Variants in PLEC observed in about 807,000 individuals in gnomAD.
PLEC encodes hemidesmosomal protein 1.
In PLEC, 216 loss-of-function variants were observed where a neutral mutation model predicts 392.8. The observed-to-expected ratio is 0.55, with a 90% CI of 0.49 to 0.62. The LOEUF is 0.62. Among genes scored for constraint, PLEC ranks in the 20% least tolerant of loss-of-function variants. PLEC has a pLI of 0.00. For missense variants in PLEC, 6,863 were observed against 6,563.4 expected, an observed-to-expected ratio of 1.05 and a Z score of -1.58; for synonymous variants, 3,621 against 2,980.6, an observed-to-expected ratio of 1.21 and a Z score of -7.00.
chr8:143,938,551 C>A lies in PLEC; in HGVS notation c.174+80G>T, dbSNP rs532596509. 273 of 1,561,304 alleles carry A rather than the reference C, an allele frequency of 1.7e-4. 1 individual carries two copies. In the South Asian group the frequency reaches 3.0e-3, roughly 17 times the overall value. On this transcript the variant is annotated intron_variant, in intron 2 of 31. Coordinates refer to ENST00000345136, the MANE Select transcript of PLEC (RefSeq NM_201384.3). ...AGCACACAGGCAGCATGGGGACAGCCTTGGGCGGCAGGGGCCACCCTCCCT... is the reference window on the plus strand; with the variant it reads ...AGCACACAGGCAGCATGGGGACAGCATTGGGCGGCAGGGGCCACCCTCCCT...
Position 143,917,065 on chromosome 8 carries a change from G to A in PLEC, c.12756C>T (p.Ser4252=). The part of the protein sequence containing the change: ...GFRSRSSSVG[S]SSSYPISPAV... ...CGGGGCTGATGGGGTAGGAGGAGGA[G>A]GATCCCACCGAGGAGGAACGGGAGC... Residue 4252 remains serine, a synonymous_variant, in exon 32 of 32, where the codon TCC becomes TCT. Transcript: ENST00000345136. 2.5e-6 allele frequency: 4 copies of A among 1,607,520 alleles called. No homozygotes were observed. Among genetic ancestry groups the A allele is most frequent in the Non-Finnish European group, 3.4e-6 (4 of 1,175,392 alleles).
chr8:143,943,803 G>A (rs371700017), upstream of PLEC: 28 of 1,612,156 alleles, frequency 1.7e-5, no homozygotes, highest in South Asian at 5.5e-5. Context: ...GCCCACCGAC[G>A]TCCCCTGCGC....
At chr8:143,947,675 G>C (rs193234541) in intron 1 of PLEC, among the ~76,000 whole-genome samples, 1 of 152,128 alleles carries the variant, frequency 6.6e-6, no homozygotes, top group Non-Finnish European at 1.5e-5. Context: ...GCTTCAACCC[G>C]GGAGGCGGAG....
exon 1 of PLEC, chr8:143,950,345 CCCTGCACAG>C: frequency 6.3e-7 from 1 of 1,582,046 alleles, no homozygotes; most frequent in Non-Finnish European, 8.6e-7. Flanking sequence ...GCCCAGGGGA[CCCTGCACAG>C]CCTGCACGTG....
Position 143,916,366 on chromosome 8 carries a change from A to G in PLEC, c.13455T>C (p.Ser4485=), listed in dbSNP as rs1554668887. 1 of 1,607,916 alleles carries G rather than the reference A, an allele frequency of 6.2e-7. No homozygotes were observed. The highest frequency in any genetic ancestry group is 8.5e-7 in the Non-Finnish European group (1 of 1,177,538). ...YSPYSVSGSG[S]TAGSRTGSRT... Reference sequence around the variant, plus strand: ...GCGAGCCGGTGCGGGAGCCAGCGGTAGAGCCGGAGCCGCTGACGCTGTAGG... The same window carrying G: ...GCGAGCCGGTGCGGGAGCCAGCGGTGGAGCCGGAGCCGCTGACGCTGTAGG... Residue 4485 remains serine (S), a synonymous_variant, in exon 32 of 32, where the codon TCT becomes TCC. Transcript: ENST00000345136.
At chr8:143,933,867 A>G in intron 12 of PLEC, 131 bp downstream of exon 12, 2 of 744,162 alleles carry the variant, frequency 2.7e-6, no homozygotes, top group Non-Finnish European at 4.6e-6. Context: ...TCCCCACCAC[A>G]TGCCCCGCCC....
At position 143,916,632 on chromosome 8, in the gene PLEC, AGCC is replaced by A; in HGVS notation, c.13186_13188del (p.Gly4396del). ...CGGCCCGGCGTGTCGGGCTCGATCA[AGCC>A]GCCGGTCAGGTACTGCACCTCCAGG... is the stretch of plus-strand genomic sequence containing the variant. On this transcript the variant is annotated inframe_deletion, in exon 32 of 32. Transcript: ENST00000345136. 1 of 1,610,272 alleles carries A rather than the reference AGCC, an allele frequency of 6.2e-7. No homozygotes were observed. The highest frequency in any genetic ancestry group is 8.5e-7 in the Non-Finnish European group (1 of 1,178,964).
chr8:143,916,804 G>A lies in PLEC; in HGVS notation c.13017C>T (p.Gly4339=). 1.9e-6 allele frequency: 3 copies of A among 1,613,224 alleles called. No homozygotes were observed. The highest frequency in any genetic ancestry group is 2.2e-5 in the South Asian group (2 of 91,084). The change falls in exon 32 of 32, where the codon GGC becomes GGT. Residue 4339 remains glycine (G), a synonymous_variant. Transcript: ENST00000345136. The stretch of plus-strand genomic sequence containing the variant: ...GGTCCACCATGATCTTGTCCACCAG[G>A]CCCTTGTTGACGGCGTCGGTGACAG... ...RFPVTDAVNK[G]LVDKIMVDRI...
rs369504837 is a variant in PLEC, at chr8:143,920,402, G to A, written c.9419C>T (p.Thr3140Met). 7 of 1,592,904 alleles carry A rather than the reference G, an allele frequency of 4.4e-6. No homozygotes were observed. The highest frequency in any genetic ancestry group is 2.2e-5 in the East Asian group (1 of 44,622). Reference protein sequence around the residue: ...GLRLLDAQLSTGGIVDPSKSH... With the variant: ...GLRLLDAQLSMGGIVDPSKSH... ...CTTGCTGGGGTCCACGATGCCGCCC[G>A]TGGACAGCTGGGCGTCCAACAGGCG... The change falls in exon 32 of 32, where the codon ACG becomes ATG. Residue 3140 changes from threonine to methionine, a missense_variant. Thr to Met is a moderately conservative substitution (Grantham distance 81). Coordinates refer to ENST00000345136, the MANE Select transcript of PLEC (RefSeq NM_201384.3).
In PLEC at chr8:143,917,122, G is replaced by A. The variant is rs782292154; in HGVS notation, c.12699C>T (p.Ala4233=). The A allele has an allele frequency of 1.7e-5, 27 of 1,604,236 alleles. No individual in the cohort carries two copies. Among genetic ancestry groups the A allele is most frequent in the African/African-American group, 6.7e-5 (5 of 74,770 alleles). The stretch of plus-strand genomic sequence containing the variant: ...CACCGGCGTTGCCCGAGAGCATGTC[G>A]GCGAACTCGGTGATGGAGAGCGTGC... ...RAGTLSITEF[A]DMLSGNAGGF... is the part of the protein sequence containing the mutation. The change falls in exon 32 of 32, where the codon GCC becomes GCT. Residue 4233 remains alanine, a synonymous_variant. Coordinates refer to ENST00000345136, the MANE Select transcript of PLEC (RefSeq NM_201384.3).
rs782628125 is a variant in PLEC at position 143,917,121 on chromosome 8, C to T, written c.12700G>A (p.Asp4234Asn). ...CCACCGGCGTTGCCCGAGAGCATGTCGGCGAACTCGGTGATGGAGAGCGTG... is the reference window on the plus strand; with the variant it reads ...CCACCGGCGTTGCCCGAGAGCATGTTGGCGAACTCGGTGATGGAGAGCGTG... ...AGTLSITEFA[D>N]MLSGNAGGFR... Residue 4234 changes from aspartate to asparagine, a missense_variant, in exon 32 of 32, where the codon GAC becomes AAC. Coordinates refer to ENST00000345136, the MANE Select transcript of PLEC (RefSeq NM_201384.3). The T allele has an allele frequency of 1.4e-5, 23 of 1,604,190 alleles. No individual in the cohort carries two copies. Among genetic ancestry groups the T allele is most frequent in the African/African-American group, 8.0e-5 (6 of 74,756 alleles).
rs1320842752 is a variant in PLEC, at chr8:143,924,666, C to T, written c.5263G>A (p.Ala1755Thr). 6.5e-7 allele frequency: 1 copy of T among 1,535,410 alleles called. No homozygotes were observed. The highest frequency in any genetic ancestry group is 8.7e-7 in the Non-Finnish European group (1 of 1,146,762). ...AATQKRQELEAELAKVRAEME... is the reference protein window; with the variant it reads ...AATQKRQELETELAKVRAEME... ...TCGGCCCGCACCTTGGCCAGCTCGG[C>T]TTCCAGCTCCTGCCGTTTCTGCGTG... Residue 1755 changes from alanine to threonine, a missense_variant, in exon 31 of 32, where the codon GCC becomes ACC. Ala to Thr is a moderately conservative substitution (Grantham distance 58). Transcript: ENST00000345136.
chr8:143,945,668 G>A (rs1554731811), intron 1 of PLEC, among the ~76,000 whole-genome samples: 4 of 152,174 alleles, frequency 2.6e-5, no homozygotes, highest in South Asian at 2.1e-4. Context: ...CTGCTGTCCC[G>A]CACGCTGCCA....
chr8:143,947,332 G>A lies in PLEC; in HGVS notation c.523+2852C>T, dbSNP rs558621547. Among the ~76,000 whole-genome samples the A allele has an allele frequency of 5.9e-5, 9 of 152,340 alleles. No individual in the cohort carries two copies. The South Asian group carries it at 6.2e-4, about 11-fold the overall frequency. On this transcript the variant is annotated intron_variant, in intron 1 of 31. Transcript: ENST00000322810. ...GCTCTAGGTGCTGTGCGTGTACAGC[G>A]CTCACCGTGGTGGCGGCTACCTGGC...
rs201550913 is a variant in PLEC, at chr8:143,932,599, T to C, written c.1815+36A>G. The C allele has an allele frequency of 7.9e-5, 127 of 1,612,026 alleles. No individual in the cohort carries two copies. The Middle Eastern group carries it at 1.5e-3, about 19-fold the overall frequency. On this transcript the variant is annotated intron_variant, in intron 15 of 31. Transcript: ENST00000345136. ...GGGTGCGTGTCAGCAGGCCGCGGGC[T>C]ACCCACCTCCCCCGGCTGGCCCTGC... is the stretch of plus-strand genomic sequence containing the variant.
In PLEC at chr8:143,918,533, G is replaced by C. The variant is rs377598440; in HGVS notation, c.11288C>G (p.Ser3763Trp). Reference sequence around the variant, plus strand: ...GTAGCCGGTGACCGCCCGCTCAGCCGAGAGCAGGCGGTCGTGCAGCTCGGG... The same window carrying C: ...GTAGCCGGTGACCGCCCGCTCAGCCCAGAGCAGGCGGTCGTGCAGCTCGGG... Reference protein sequence around the residue: ...VGPELHDRLLSAERAVTGYRD... With the variant: ...VGPELHDRLLWAERAVTGYRD... The change falls in exon 32 of 32, where the codon TCG becomes TGG. Residue 3763 changes from serine (S) to tryptophan (W), a missense_variant. Transcript: ENST00000345136. 1.4e-5 allele frequency: 22 copies of C among 1,609,348 alleles called. No individual in the cohort carries two copies. Among genetic ancestry groups the C allele is most frequent in the Non-Finnish European group, 1.9e-5 (22 of 1,178,926 alleles).
Position 143,921,090 on chromosome 8 carries a change from A to G in PLEC, c.8731T>C (p.Ser2911Pro). 1 of 1,612,096 alleles carries G rather than the reference A, an allele frequency of 6.2e-7. No homozygotes were observed. Residue 2911 changes from serine (S) to proline (P), a missense_variant, in exon 32 of 32, where the codon TCT (serine) becomes CCT (proline). Physicochemically the swap from Ser to Pro is moderately conservative, Grantham distance 74 (BLOSUM62 -1). Coordinates refer to ENST00000345136, the MANE Select transcript of PLEC (RefSeq NM_201384.3). The stretch of plus-strand genomic sequence containing the variant: ...CCCTGGAACTTGCCGAACGGCGCAG[A>G]CACGGTGGCCTTCTCAAAGACGTCC... Reference protein sequence around the residue: ...ARDVFEKATVSAPFGKFQGKT... With the variant: ...ARDVFEKATVPAPFGKFQGKT...
Position 143,927,654 on chromosome 8 carries a change from TC to T in PLEC, c.3511del (p.Asp1171ThrfsTer117). The T allele has an allele frequency of 6.3e-7, 1 of 1,583,634 alleles. No individual in the cohort carries two copies. Among genetic ancestry groups the T allele is most frequent in the Non-Finnish European group, 8.6e-7 (1 of 1,166,726 alleles). ...ERLQQRHGER[D>X]VEVERWRERV... ...CTCCCGCCAGCGCTCCACCTCCACGTCCCGCTCCCCGTGCCGCTGCTGCAGT... is the reference window on the plus strand; with the variant it reads ...CTCCCGCCAGCGCTCCACCTCCACGTCCGCTCCCCGTGCCGCTGCTGCAGT... On this transcript the variant is annotated frameshift_variant, in exon 27 of 32. Coordinates refer to ENST00000345136, the MANE Select transcript of PLEC (RefSeq NM_201384.3). LOFTEE classifies it high-confidence loss of function.
Position 143,923,992 on chromosome 8 carries a change from C to T in PLEC, c.5937G>A (p.Glu1979=), listed in dbSNP as rs782051602. The T allele has an allele frequency of 6.3e-7, 1 of 1,585,722 alleles. No homozygotes were observed. Among genetic ancestry groups the T allele is most frequent in the Admixed American group, 1.7e-5 (1 of 59,150 alleles). ...CCTCAGCCTCACGGCGCCGCCGCTCCTCCTCCGCCGCCAGCTGCCGCTGCC... is the reference window on the plus strand; with the variant it reads ...CCTCAGCCTCACGGCGCCGCCGCTCTTCCTCCGCCGCCAGCTGCCGCTGCC... The part of the protein sequence containing the change: ...AARQRQLAAE[E]ERRRREAEER... The change falls in exon 31 of 32, where the codon GAG becomes GAA. Residue 1979 remains glutamate (E), a synonymous_variant. Transcript: ENST00000345136.
Sources: gnomAD v4.1 joint callset for allele counts (sites outside exome capture counted in the v4.1 genomes callset) on GRCh38, gnomAD v4.1.1 for gene constraint, MANE v1.5 for transcripts, NCBI Gene and HGNC (gene_info 2026-07-23, HGNC 2026-07-21) for gene names.